Variants in RYR2 observed in about 807,000 individuals in gnomAD.
RYR2 encodes the protein cardiac muscle ryanodine receptor-calcium release channel.
RYR2 carries 227 observed loss-of-function variants against 601.1 expected under a neutral mutation model. That is an observed-to-expected ratio of 0.38 (90% CI 0.34 to 0.42). The LOEUF is 0.42. Ranked by LOEUF, RYR2 falls within the 10% of genes least tolerant of loss-of-function variation. The pLI, the probability that RYR2 is intolerant of heterozygous loss-of-function variation, is 1.00. For synonymous variants in RYR2, 2,223 were observed against 2,175.1 expected (o/e 1.02, Z -0.61); for missense variants, 4,646 against 6,156.5 (o/e 0.75, Z 8.21).
intron 49 of RYR2, among the ~76,000 whole-genome samples, chr1:237,649,638 GAGGAGA>G (rs1163590766): frequency 6.6e-6 from 1 of 152,152 alleles, no homozygotes; most frequent in African/African-American, 2.4e-5. Flanking sequence ...TAAGCTTTTT[GAGGAGA>G]TAGGTGTCAT....
chr1:237,131,586 A>G (rs1394733139), intron 1 of RYR2, among the ~76,000 whole-genome samples: 2 of 152,222 alleles, frequency 1.3e-5, no homozygotes, highest in African/African-American at 4.8e-5. Context: ...GGGGAATTTC[A>G]GGAGAGGTAT....
chr1:237,369,389 C>A, intron 5 of RYR2, 145 bp from the exon 6 acceptor site: 1 of 720,866 alleles, frequency 1.4e-6, no homozygotes, highest in Non-Finnish European at 2.5e-6. Flanking sequence ...ATTATTTCAA[C>A]AGCACTTTGC....
chr1:237,611,338 G>C (rs1433425056), intron 36 of RYR2, among the ~76,000 whole-genome samples: 1 of 152,110 alleles, frequency 6.6e-6, no homozygotes, highest in Admixed American at 6.5e-5. Flanking sequence ...AGAGAATAGT[G>C]AGATATTAGA....
chr1:237,315,100 C>T (rs981430120), intron 2 of RYR2, among the ~76,000 whole-genome samples: 2 of 152,208 alleles, frequency 1.3e-5, no homozygotes, highest in Non-Finnish European at 2.9e-5. Context: ...TGGATCTTTC[C>T]GGTTAGTAAC....
At chr1:237,148,541 T>G in intron 1 of RYR2, among the ~76,000 whole-genome samples, 1 of 134,128 alleles carries the variant, frequency 7.5e-6, no homozygotes, top group Non-Finnish European at 1.6e-5. Flanking sequence ...TATATATATA[T>G]ATATATATAT....
At chr1:237,441,517 G>T in intron 13 of RYR2, 34 bp downstream of exon 13, 1 of 1,433,308 alleles carries the variant, frequency 7.0e-7, no homozygotes, top group Non-Finnish European at 9.2e-7. Context: ...ATTTATAGAA[G>T]TAATTTTTTA....
At chr1:237,752,028 A>G (rs952818243) in intron 80 of RYR2, among the ~76,000 whole-genome samples, 1 of 152,236 alleles carries the variant, frequency 6.6e-6, no homozygotes, top group Non-Finnish European at 1.5e-5. Flanking sequence ...ATCACAAACT[A>G]TAGGATATCA....
At chr1:237,698,399 C>T (rs766351087) in intron 63 of RYR2, among the ~76,000 whole-genome samples, 21 of 151,858 alleles carry the variant, frequency 1.4e-4, no homozygotes, top group Non-Finnish European at 2.9e-4. Context: ...TCTTTAGTGT[C>T]TGATTTTTTT....
At chr1:237,537,986 G>A (rs1668824313) in intron 25 of RYR2, among the ~76,000 whole-genome samples, 1 of 152,056 alleles carries the variant, frequency 6.6e-6, no homozygotes, top group South Asian at 2.1e-4. Flanking sequence ...CATAGGCCTG[G>A]AATTTTTCAT....
intron 94 of RYR2, 68 bp from the exon 95 acceptor site, chr1:237,793,799 A>AAGAT (rs1271944674): frequency 1.4e-5 from 18 of 1,258,560 alleles, no homozygotes; most frequent in Admixed American, 4.5e-5. Context: ...CTGTTTTGTA[A>AAGAT]AGATAGTGAC....
intron 16 of RYR2, 36 bp downstream of exon 16, chr1:237,456,771 A>G: frequency 6.2e-7 from 1 of 1,609,202 alleles, no homozygotes; most frequent in Non-Finnish European, 8.5e-7. Context: ...CAACAGAGTT[A>G]TCTATTTAAA....
intron 36 of RYR2, among the ~76,000 whole-genome samples, chr1:237,613,728 A>G (rs1678148379): frequency 6.6e-6 from 1 of 152,220 alleles, no homozygotes; most frequent in South Asian, 2.1e-4. Flanking sequence ...GAAATTCGAA[A>G]TGCTCCAAAA....
At chr1:237,634,483 A>T (rs1041656659) in intron 43 of RYR2, among the ~76,000 whole-genome samples, 3 of 152,192 alleles carry the variant, frequency 2.0e-5, no homozygotes, top group Admixed American at 1.3e-4. Context: ...GGAGATGTTC[A>T]AGGATACAAA....
At chr1:237,577,123 G>A (rs4528106) in intron 29 of RYR2, among the ~76,000 whole-genome samples, 96,318 of 151,960 alleles carry the variant, frequency 0.63, 31,963 homozygotes, top group Non-Finnish European at 0.72. Context: ...AGCTACACTA[G>A]TGTGTCTCAA....
chr1:237,694,160 G>A (rs1687202026), intron 63 of RYR2, among the ~76,000 whole-genome samples: 1 of 152,000 alleles, frequency 6.6e-6, no homozygotes, highest in Admixed American at 6.6e-5. Context: ...CGGGCGTGGT[G>A]GCAGGCGCCT....
intron 3 of RYR2, chr1:237,333,503 C>A (rs1696949992): frequency 4.6e-6 from 2 of 431,440 alleles, no homozygotes; most frequent in African/African-American, 2.0e-5. Flanking sequence ...TCCTGGAGGA[C>A]CCCTGGGGTG....
At chr1:237,073,637 G>A (rs1306778296) in intron 1 of RYR2, among the ~76,000 whole-genome samples, 3 of 152,286 alleles carry the variant, frequency 2.0e-5, no homozygotes, top group Non-Finnish European at 2.9e-5. Context: ...TTGGGAGGCT[G>A]AAGTGGGCGG....
At chr1:237,727,714 T>G (rs1690314247) in intron 76 of RYR2, among the ~76,000 whole-genome samples, 1 of 152,164 alleles carries the variant, frequency 6.6e-6, no homozygotes, top group African/African-American at 2.4e-5. Flanking sequence ...TCATTATTAT[T>G]ATTTTTGTAA....
chr1:237,387,752 G>C (rs1702057218), intron 9 of RYR2, among the ~76,000 whole-genome samples: 1 of 152,144 alleles, frequency 6.6e-6, no homozygotes, highest in Non-Finnish European at 1.5e-5. Flanking sequence ...ATTTTACAAA[G>C]GAGCAGGGTT....
Sources: allele counts gnomAD v4.1 joint callset (sites outside exome capture counted in the v4.1 genomes callset), GRCh38; gene constraint gnomAD v4.1.1; transcripts MANE v1.5; gene names NCBI Gene and HGNC (gene_info 2026-07-23, HGNC 2026-07-21).